TRHDE: variants seen among roughly 807,000 people sequenced by gnomAD.
TRHDE encodes the protein thyrotropin releasing hormone degrading enzyme.
TRHDE carries 72 observed loss-of-function variants against 125.7 expected under a neutral mutation model. The ratio of observed to expected loss-of-function variants is 0.57; its 90% CI spans 0.47 to 0.70. TRHDE has a LOEUF of 0.70. Ranked by LOEUF, TRHDE falls within the 30% of genes least tolerant of loss-of-function variation. The probability of loss-of-function intolerance (pLI) is 0.00; values close to 1 mark genes in which losing one functional copy is unlikely to be tolerated. For synonymous variants in TRHDE, 509 were observed against 509.1 expected, an observed-to-expected ratio of 1.00 and a Z score of 0.00; for missense variants, 1,110 against 1,327.1, an observed-to-expected ratio of 0.84 and a Z score of 2.54.
At chr12:72,250,857 T>C (rs2139386768) in intron 2 of TRHDE, among the ~76,000 whole-genome samples, 1 of 145,778 alleles carries the variant, frequency 6.9e-6, no homozygotes. Flanking sequence ...TATATATATA[T>C]ATATATTTTA....
intron 2 of TRHDE, among the ~76,000 whole-genome samples, chr12:72,213,628 G>T (rs1329909171): frequency 6.6e-6 from 1 of 152,086 alleles, no homozygotes; most frequent in African/African-American, 2.4e-5. Context: ...CACCTGCAAA[G>T]ATCAAACTGC....
chr12:72,263,691 C>CT (rs995056864), intron 2 of TRHDE: 5 of 151,978 alleles, frequency 3.3e-5, no homozygotes, highest in Non-Finnish European at 5.9e-5. Context: ...TTAAGAATAA[C>CT]TAGGGAGTTA....
In TRHDE at chr12:72,422,543, G is replaced by A. The variant is rs1874003332; in HGVS notation, c.1315+44422G>A. Among the ~76,000 whole-genome samples the A allele has an allele frequency of 2.6e-5, 4 of 152,278 alleles. No individual in the cohort carries two copies. In the Middle Eastern group the frequency reaches 0.01, roughly 388 times the overall value. On this transcript the variant is annotated intron_variant, in intron 3 of 18. Transcript: ENST00000261180. ...CTTCATAACTGAGTAATACAAAATG[G>A]TTTCATTTCAATATTATATCTTTAA...
Position 72,668,416 on chromosome 12 carries a change from C to T in TRHDE, c.*5221C>T, listed in dbSNP as rs748584892. ...GGCCCCACTAGTAGATGATTTTACCCCAGATTTTGAAAACATACCACTTTA... is the reference window on the plus strand; with the variant it reads ...GGCCCCACTAGTAGATGATTTTACCTCAGATTTTGAAAACATACCACTTTA... On this transcript the variant is annotated 3_prime_UTR_variant, in exon 19 of 19. Coordinates refer to ENST00000261180, the MANE Select transcript of TRHDE (RefSeq NM_013381.3). The T allele has an allele frequency of 6.6e-6, 1 of 151,534 alleles. No individual in the cohort carries two copies. The highest frequency in any genetic ancestry group is 1.5e-5 in the Non-Finnish European group (1 of 67,730). 9.4% of individuals were successfully genotyped at this position (151,534 alleles called of 1,614,324 possible).
At chr12:72,450,792 A>G (rs1875532224) in intron 3 of TRHDE, among the ~76,000 whole-genome samples, 1 of 152,054 alleles carries the variant, frequency 6.6e-6, no homozygotes, top group Non-Finnish European at 1.5e-5. Flanking sequence ...TTTTCTTCTC[A>G]TCCTCTCCAG....
At chr12:72,195,827 G>T (rs556782986) in intron 2 of TRHDE, among the ~76,000 whole-genome samples, 1 of 151,986 alleles carries the variant, frequency 6.6e-6, no homozygotes, top group East Asian at 1.9e-4. Context: ...GTGTTTCCTG[G>T]GTTTTCTTCT....
chr12:72,358,644 A>G (rs746198223), intron 2 of TRHDE, among the ~76,000 whole-genome samples: 1 of 151,586 alleles, frequency 6.6e-6, no homozygotes, highest in Non-Finnish European at 1.5e-5. Flanking sequence ...AAGGGAGAAA[A>G]TAATTAAGAT....
At chr12:72,614,330 A>ATATATATATTTT (rs531067163) in intron 12 of TRHDE, among the ~76,000 whole-genome samples, 24,404 of 129,486 alleles carry the variant, frequency 0.19, 3,258 homozygotes, top group African/African-American at 0.38. Context: ...ATATATATAT[A>ATATATATATTTT]TTTTTTTTTT....
chr12:72,547,503 C>T (rs1052646737), intron 7 of TRHDE, among the ~76,000 whole-genome samples: 7 of 151,696 alleles, frequency 4.6e-5, no homozygotes, highest in South Asian at 2.1e-4. Context: ...GGAAAAAAGA[C>T]GGGAGTTTAC....
intron 2 of TRHDE, among the ~76,000 whole-genome samples, chr12:72,348,319 G>A (rs1870425234): frequency 1.3e-5 from 2 of 151,694 alleles, no homozygotes; most frequent in African/African-American, 4.8e-5. Flanking sequence ...TCTTGCACTG[G>A]TTTAATTCTC....
At chr12:72,089,348 A>G (rs1874739847) in intron 1 of TRHDE, among the ~76,000 whole-genome samples, 1 of 152,140 alleles carries the variant, frequency 6.6e-6, no homozygotes. Flanking sequence ...TTAACACTAT[A>G]CATTGGATTC....
intron 3 of TRHDE, among the ~76,000 whole-genome samples, chr12:72,461,593 G>C (rs1444283038): frequency 5.4e-4 from 82 of 151,040 alleles, no homozygotes; most frequent in Non-Finnish European, 1.3e-4. Flanking sequence ...GCAACAACCA[G>C]TCATGGTATA....
At chr12:72,456,070 T>C (rs1329511477) in intron 3 of TRHDE, among the ~76,000 whole-genome samples, 1 of 150,736 alleles carries the variant, frequency 6.6e-6, no homozygotes, top group Non-Finnish European at 1.5e-5. Context: ...TATACACTCA[T>C]ATATACTCAG....
At chr12:72,243,618 A>G (rs1878523070) in intron 2 of TRHDE, among the ~76,000 whole-genome samples, 2 of 152,200 alleles carry the variant, frequency 1.3e-5, no homozygotes, top group Non-Finnish European at 2.9e-5. Context: ...ATGTGACTAC[A>G]AGTAAATTTA....
At chr12:72,611,267 C>A in intron 12 of TRHDE, 1 of 162,716 alleles carries the variant, frequency 6.1e-6, no homozygotes, top group South Asian at 1.7e-4. Context: ...TTGCACTAGC[C>A]AGCGTGTAAG....
intron 6 of TRHDE, among the ~76,000 whole-genome samples, chr12:72,533,225 A>G (rs1868652689): frequency 1.3e-5 from 2 of 151,970 alleles, no homozygotes; most frequent in Non-Finnish European, 2.9e-5. Context: ...CCCAGGCTGG[A>G]ACGCAGTGGC....
intron 2 of TRHDE, among the ~76,000 whole-genome samples, chr12:72,347,145 A>C (rs369847868): frequency 9.2e-5 from 14 of 152,250 alleles, no homozygotes; most frequent in South Asian, 8.3e-4. Context: ...ATTTCTAAAT[A>C]AATTCACATT....
chr12:72,582,680 A>C, intron 12 of TRHDE: 2 of 911,652 alleles, frequency 2.2e-6, no homozygotes, highest in Non-Finnish European at 2.6e-6. Context: ...TCAAAAATGA[A>C]ATTGAGAAGG....
chr12:72,106,954 A>T (rs1286010670), intron 2 of TRHDE, among the ~76,000 whole-genome samples: 1 of 152,142 alleles, frequency 6.6e-6, no homozygotes, highest in African/African-American at 2.4e-5. Context: ...TCTGAGATTT[A>T]GGCCTACAGG....
Sources: gnomAD v4.1 joint callset for allele counts (sites outside exome capture counted in the v4.1 genomes callset) on GRCh38, gnomAD v4.1.1 for gene constraint, MANE v1.5 for transcripts, NCBI Gene and HGNC (gene_info 2026-07-23, HGNC 2026-07-21) for gene names.